TENM3: variants seen among roughly 807,000 people sequenced by gnomAD.
TENM3 encodes the protein teneurin-3.
In TENM3, 63 loss-of-function variants were observed where a neutral mutation model predicts 255.1. The ratio of observed to expected loss-of-function variants is 0.25; its 90% CI spans 0.20 to 0.30. TENM3 has a LOEUF of 0.30. Among genes scored for constraint, TENM3 ranks in the 10% least tolerant of loss-of-function variants. TENM3 has a pLI of 1.00. For missense variants in TENM3, 2,929 were observed against 3,461.1 expected, an observed-to-expected ratio of 0.85 and a Z score of 3.86; for synonymous variants, 1,306 against 1,322.3, an observed-to-expected ratio of 0.99 and a Z score of 0.27.
chr4:181,631,484 G>C, the TENM3 span, among the ~76,000 whole-genome samples: 4 of 151,928 alleles, frequency 2.6e-5, no homozygotes, highest in African/African-American at 9.7e-5. Flanking sequence ...TAGAGGCAGG[G>C]TTTCACCATC....
intron 16 of TENM3, 136 bp from the exon 17 acceptor site, chr4:182,736,672 T>C (rs1235478737): frequency 2.4e-6 from 2 of 829,894 alleles, no homozygotes; most frequent in Non-Finnish European, 3.6e-6. Flanking sequence ...AATAAGCACA[T>C]TGTCTTTGTG....
intron 6 of TENM3, among the ~76,000 whole-genome samples, chr4:182,659,884 A>T (rs12186317): frequency 6.6e-6 from 1 of 152,014 alleles, no homozygotes; most frequent in Non-Finnish European, 1.5e-5. Flanking sequence ...ACAATAGCAC[A>T]CAGAGACAAG....
At chr4:182,453,483 T>C (rs879739822) in intron 3 of TENM3, among the ~76,000 whole-genome samples, 2 of 152,186 alleles carry the variant, frequency 1.3e-5, no homozygotes, top group Non-Finnish European at 2.9e-5. Flanking sequence ...TATTAAATAG[T>C]GTTTGACATA....
intron 1 of TENM3, among the ~76,000 whole-genome samples, chr4:182,164,663 CA>C (rs1217559340): frequency 6.6e-6 from 1 of 152,182 alleles, no homozygotes; most frequent in Non-Finnish European, 1.5e-5. Context: ...ACTTGATTGT[CA>C]TGCCCCTAAA....
chr4:181,479,816 A>G, the TENM3 span, among the ~76,000 whole-genome samples: 1 of 152,178 alleles, frequency 6.6e-6, no homozygotes, highest in African/African-American at 2.4e-5. Flanking sequence ...TCCTTCAGCT[A>G]TCATGTGAGA....
intron 3 of TENM3, among the ~76,000 whole-genome samples, chr4:182,414,156 C>A (rs893620316): frequency 6.6e-6 from 1 of 152,114 alleles, no homozygotes; most frequent in Non-Finnish European, 1.5e-5. Context: ...TTCCTTTAGA[C>A]AGTGGCAACT....
intron 5 of TENM3, among the ~76,000 whole-genome samples, chr4:182,646,645 G>A (rs1038807975): frequency 6.6e-6 from 1 of 152,200 alleles, no homozygotes; most frequent in East Asian, 1.9e-4. Context: ...AGGAGACTGA[G>A]GCATGAGAAT....
the TENM3 span, among the ~76,000 whole-genome samples, chr4:181,940,267 T>A: frequency 1.3e-5 from 2 of 152,194 alleles, no homozygotes; most frequent in African/African-American, 4.8e-5. Context: ...CATTAAAATA[T>A]TTTTTTACTT....
the TENM3 span, among the ~76,000 whole-genome samples, chr4:181,498,195 A>C: frequency 6.6e-6 from 1 of 152,242 alleles, no homozygotes; most frequent in African/African-American, 2.4e-5. Flanking sequence ...CCCCTAAAAA[A>C]AGATAACCAC....
In TENM3 at chr4:182,753,619, A is replaced by G; in HGVS notation, c.4017+15A>G. 1 of 1,611,496 alleles carries G rather than the reference A, an allele frequency of 6.2e-7. No individual in the cohort carries two copies. ...ACATCAGCCAGGTAGTTAAATACTA[A>G]GCGGACTTGTTTGTTTTTCCTCTAG... On this transcript the variant is annotated intron_variant, in intron 21 of 27. Transcript: ENST00000511685.
chr4:182,433,863 C>T (rs1771847996), intron 3 of TENM3, among the ~76,000 whole-genome samples: 1 of 151,938 alleles, frequency 6.6e-6, no homozygotes, highest in Non-Finnish European at 1.5e-5. Flanking sequence ...TGCCTGTAAT[C>T]CCAGCTCTTT....
chr4:181,941,325 T>G, the TENM3 span, among the ~76,000 whole-genome samples: 1 of 150,784 alleles, frequency 6.6e-6, no homozygotes, highest in Non-Finnish European at 1.5e-5. Flanking sequence ...TTTTTTTTTA[T>G]AGCTATTTGG....
At chr4:182,495,651 G>T (rs916532619) in intron 3 of TENM3, among the ~76,000 whole-genome samples, 1 of 152,148 alleles carries the variant, frequency 6.6e-6, no homozygotes, top group South Asian at 2.1e-4. Context: ...ATTTCCCCCC[G>T]TAGTGCTGCT....
the TENM3 span, among the ~76,000 whole-genome samples, chr4:181,922,239 C>G: frequency 1.3e-5 from 2 of 152,170 alleles, no homozygotes; most frequent in African/African-American, 4.8e-5. Flanking sequence ...CAGGATGATG[C>G]TGGCCTCACA....
chr4:182,592,234 TG>T (rs1746734726), intron 3 of TENM3, among the ~76,000 whole-genome samples: 1 of 152,088 alleles, frequency 6.6e-6, no homozygotes, highest in African/African-American at 2.4e-5. Flanking sequence ...AGGGAAGTGT[TG>T]TTACCTGAAG....
At chr4:182,561,184 T>C (rs1430201338) in intron 3 of TENM3, among the ~76,000 whole-genome samples, 1 of 152,074 alleles carries the variant, frequency 6.6e-6, no homozygotes, top group African/African-American at 2.4e-5. Context: ...TTGATGGGAA[T>C]TTATAAAATT....
the TENM3 span, among the ~76,000 whole-genome samples, chr4:182,000,589 C>A: frequency 6.6e-5 from 10 of 152,080 alleles, no homozygotes; most frequent in African/African-American, 2.4e-4. Context: ...TTATTATGAA[C>A]CCACAATATC....
the TENM3 span, among the ~76,000 whole-genome samples, chr4:181,682,630 G>C: frequency 6.6e-5 from 10 of 152,274 alleles, no homozygotes; most frequent in East Asian, 1.9e-3. Flanking sequence ...CTATTGGATT[G>C]ACTTGTACCA....
chr4:181,677,700 C>A, the TENM3 span, among the ~76,000 whole-genome samples: 1 of 152,018 alleles, frequency 6.6e-6, no homozygotes, highest in Admixed American at 6.6e-5. Context: ...GAATTGAATG[C>A]CTTTTCGTTT....
Sources: gnomAD v4.1 joint callset for allele counts (sites outside exome capture counted in the v4.1 genomes callset) on GRCh38, gnomAD v4.1.1 for gene constraint, MANE v1.5 for transcripts, NCBI Gene and HGNC (gene_info 2026-07-23, HGNC 2026-07-21) for gene names.